Variants in DSCAM observed in about 807,000 individuals in gnomAD.
DSCAM encodes the protein DS cell adhesion molecule.
A neutral mutation model predicts 217.7 loss-of-function variants in DSCAM; 47 were observed. That is an observed-to-expected ratio of 0.22 (90% CI 0.17 to 0.28). DSCAM has a LOEUF of 0.28. Among genes scored for constraint, DSCAM ranks in the 10% least tolerant of loss-of-function variants. The pLI, the probability that DSCAM is intolerant of heterozygous loss-of-function variation, is 1.00. For missense variants in DSCAM, 2,080 were observed against 2,618.3 expected, an observed-to-expected ratio of 0.79 and a Z score of 4.49; for synonymous variants, 1,056 against 1,015.3, an observed-to-expected ratio of 1.04 and a Z score of -0.76.
In DSCAM at chr21:40,763,268, T is replaced by C. The variant is rs370498538; in HGVS notation, c.44-54497A>G. 6.6e-5 allele frequency among the ~76,000 whole-genome samples: 10 copies of C among 152,154 alleles called. No homozygotes were observed. In the East Asian group the frequency reaches 1.9e-3, roughly 29 times the overall value. On this transcript the variant is annotated intron_variant, in intron 1 of 32. Transcript: ENST00000400454. Reference sequence around the variant, plus strand: ...AGTCTCAGGATACAAAATCAATGTGTAAAAATCACAAGCACTCCTATACAC... The same window carrying C: ...AGTCTCAGGATACAAAATCAATGTGCAAAAATCACAAGCACTCCTATACAC...
intron 1 of DSCAM, among the ~76,000 whole-genome samples, chr21:40,744,009 T>C (rs568405216): frequency 3.9e-5 from 6 of 152,282 alleles, no homozygotes; most frequent in African/African-American, 1.4e-4. Context: ...AGAAACCCAC[T>C]AGGCCATAAT....
chr21:40,282,884 G>T (rs1238819272), intron 10 of DSCAM, among the ~76,000 whole-genome samples: 2 of 152,104 alleles, frequency 1.3e-5, no homozygotes, highest in Non-Finnish European at 2.9e-5. Context: ...TTCCTATCTA[G>T]ACTGAAGTAA....
chr21:40,758,778 A>G (rs1275289712), intron 1 of DSCAM, among the ~76,000 whole-genome samples: 2 of 151,938 alleles, frequency 1.3e-5, no homozygotes, highest in Non-Finnish European at 2.9e-5. Context: ...AAAACTTCAC[A>G]CCCCAAATGG....
intron 11 of DSCAM, among the ~76,000 whole-genome samples, chr21:40,262,735 T>C (rs2146982976): frequency 6.6e-6 from 1 of 152,294 alleles, no homozygotes; most frequent in South Asian, 2.1e-4. Flanking sequence ...CTGATGGGCT[T>C]TGGCTGGAGG....
At chr21:40,792,080 C>T (rs2091649848) in intron 1 of DSCAM, among the ~76,000 whole-genome samples, 1 of 150,900 alleles carries the variant, frequency 6.6e-6, no homozygotes, top group Non-Finnish European at 1.5e-5. Flanking sequence ...TTCCTCCGCA[C>T]GTCTTCACAT....
chr21:40,129,326 C>T (rs2146680720), intron 19 of DSCAM, among the ~76,000 whole-genome samples: 1 of 152,300 alleles, frequency 6.6e-6, no homozygotes, highest in South Asian at 2.1e-4. Flanking sequence ...TTCCCATGTC[C>T]ATAAGACTCT....
intron 11 of DSCAM, among the ~76,000 whole-genome samples, chr21:40,268,082 A>G (rs775014925): frequency 6.6e-6 from 1 of 152,158 alleles, no homozygotes; most frequent in Non-Finnish European, 1.5e-5. Context: ...GCCCTTGCTA[A>G]TTCATTTGCC....
intron 3 of DSCAM, among the ~76,000 whole-genome samples, chr21:40,536,389 A>G (rs2076496334): frequency 6.7e-6 from 1 of 149,536 alleles, no homozygotes; most frequent in Non-Finnish European, 1.5e-5. Flanking sequence ...ACCAAAGCTG[A>G]CCGGTAGAGT....
chr21:40,167,678 T>C (rs908919584), intron 15 of DSCAM, among the ~76,000 whole-genome samples: 1 of 152,210 alleles, frequency 6.6e-6, no homozygotes, highest in Non-Finnish European at 1.5e-5. Flanking sequence ...AGTGATGTGG[T>C]ATTGGGGTTT....
chr21:40,335,918 C>G lies in DSCAM; in HGVS notation c.1783+2183G>C, dbSNP rs147682956. Among the ~76,000 whole-genome samples the G allele has an allele frequency of 1.8e-3, 268 of 152,282 alleles. 3 individuals are homozygous for G. Among genetic ancestry groups the G allele is most frequent in the Middle Eastern group, 0.017 (5 of 294 alleles). On this transcript the variant is annotated intron_variant, in intron 8 of 32. Transcript: ENST00000400454. ...TGCTGGGCGTTACCATGAATCCCAG[C>G]AGGGACACTAACAGGATGACTATTC...
At chr21:40,804,102 T>C (rs1189872013) in intron 1 of DSCAM, among the ~76,000 whole-genome samples, 1 of 152,122 alleles carries the variant, frequency 6.6e-6, no homozygotes, top group Non-Finnish European at 1.5e-5. Context: ...CACTCTTCCC[T>C]CACTTAGGTT....
At chr21:40,062,840 A>G (rs2089144158) in intron 28 of DSCAM, 29 bp downstream of exon 28, 2 of 1,554,968 alleles carry the variant, frequency 1.3e-6, no homozygotes, top group Non-Finnish European at 1.7e-6. Flanking sequence ...TTCAAACATG[A>G]TATCTGGGGT....
chr21:40,397,520 G>A (rs182260209), intron 3 of DSCAM, among the ~76,000 whole-genome samples: 5 of 152,200 alleles, frequency 3.3e-5, no homozygotes, highest in Non-Finnish European at 7.4e-5. Flanking sequence ...TTCCCGTACA[G>A]CCTACAGAAC....
At chr21:40,064,087 C>T (rs1443366871) in intron 27 of DSCAM, among the ~76,000 whole-genome samples, 1 of 151,900 alleles carries the variant, frequency 6.6e-6, no homozygotes, top group African/African-American at 2.4e-5. Flanking sequence ...TGAATTTCCT[C>T]TTTCCCTGAA....
At chr21:40,363,023 T>C (rs1214537255) in intron 4 of DSCAM, among the ~76,000 whole-genome samples, 1 of 152,046 alleles carries the variant, frequency 6.6e-6, no homozygotes, top group Non-Finnish European at 1.5e-5. Context: ...CAAGACCCCA[T>C]TCATGTTTCA....
intron 3 of DSCAM, among the ~76,000 whole-genome samples, chr21:40,390,980 A>G (rs1415104528): frequency 6.6e-6 from 1 of 151,810 alleles, no homozygotes; most frequent in African/African-American, 2.4e-5. Flanking sequence ...CTTAAAATAA[A>G]AGAAAGAAAA....
At chr21:40,843,962 A>T (rs2092123815) in intron 1 of DSCAM, among the ~76,000 whole-genome samples, 1 of 151,610 alleles carries the variant, frequency 6.6e-6, no homozygotes, top group South Asian at 2.1e-4. Flanking sequence ...TAAACTACAT[A>T]ATCTTTTACA....
intron 1 of DSCAM, among the ~76,000 whole-genome samples, chr21:40,837,583 G>A (rs567891868): frequency 9.9e-5 from 15 of 152,196 alleles, no homozygotes; most frequent in African/African-American, 2.7e-4. Context: ...CTGCTGTCAC[G>A]TTAAGGACCC....
At chr21:40,565,191 C>G (rs1224464224) in intron 3 of DSCAM, among the ~76,000 whole-genome samples, 7 of 152,190 alleles carry the variant, frequency 4.6e-5, no homozygotes, top group Admixed American at 3.9e-4. Context: ...TACTGGGTGT[C>G]TATAGCTGAA....
Sources: gnomAD v4.1 joint callset for allele counts (sites outside exome capture counted in the v4.1 genomes callset) on GRCh38, gnomAD v4.1.1 for gene constraint, MANE v1.5 for transcripts, NCBI Gene and HGNC (gene_info 2026-07-23, HGNC 2026-07-21) for gene names.